IFT140: variants seen among roughly 807,000 people sequenced by gnomAD.
The protein encoded by IFT140 is intraflagellar transport protein 140 homolog.
IFT140 carries 133 observed loss-of-function variants against 164.6 expected under a neutral mutation model. The ratio of observed to expected loss-of-function variants is 0.81; its 90% CI spans 0.70 to 0.93. The LOEUF is 0.93. Ranked by LOEUF, IFT140 falls within the 40% of genes least tolerant of loss-of-function variation. IFT140 has a pLI of 0.00. For missense variants in IFT140, 2,045 were observed against 1,972.3 expected, an observed-to-expected ratio of 1.04 and a Z score of -0.70; for synonymous variants, 860 against 817.3, an observed-to-expected ratio of 1.05 and a Z score of -0.89.
intron 2 of IFT140, among the ~76,000 whole-genome samples, chr16:1,609,162 G>A (rs1355482263): frequency 2.0e-5 from 3 of 152,002 alleles, no homozygotes; most frequent in Non-Finnish European, 2.9e-5. Context: ...AAAAAAAAAA[G>A]GGGGTTTTAA....
chr16:1,558,587 C>T (rs1780001499), intron 18 of IFT140, among the ~76,000 whole-genome samples: 1 of 152,236 alleles, frequency 6.6e-6, no homozygotes, highest in Admixed American at 6.5e-5. Context: ...GGAGGCCCAT[C>T]CTCACCTGGG....
chr16:1,563,385 G>A (rs544283136), intron 17 of IFT140, among the ~76,000 whole-genome samples: 2 of 150,566 alleles, frequency 1.3e-5, no homozygotes, highest in South Asian at 4.2e-4. Flanking sequence ...CCTGGGAGGC[G>A]GAGGTTGCAG....
chr16:1,513,332 T>TGC (rs2040231040), intron 30 of IFT140: 1 of 151,746 alleles, frequency 6.6e-6, no homozygotes. Context: ...TACTAAAAAA[T>TGC]AAATAAATAA....
intron 13 of IFT140, among the ~76,000 whole-genome samples, chr16:1,579,895 C>A (rs571179585): frequency 6.7e-6 from 1 of 148,860 alleles, no homozygotes; most frequent in Non-Finnish European, 1.5e-5. Context: ...ACCTGGGAGG[C>A]GGAGATTGCA....
chr16:1,583,940 G>A (rs1404657878), intron 11 of IFT140, among the ~76,000 whole-genome samples: 1 of 152,088 alleles, frequency 6.6e-6, no homozygotes, highest in Non-Finnish European at 1.5e-5. Flanking sequence ...TTAGCATCTT[G>A]GCCAGGCTGG....
At chr16:1,529,410 T>G (rs2030194686) in intron 19 of IFT140, among the ~76,000 whole-genome samples, 1 of 152,206 alleles carries the variant, frequency 6.6e-6, no homozygotes, top group Non-Finnish European at 1.5e-5. Context: ...TCACAGCACC[T>G]GGGTGCACCC....
chr16:1,607,193 G>C lies in IFT140; in HGVS notation c.74C>G (p.Pro25Arg), dbSNP rs369407757. 3 of 1,614,046 alleles carry C rather than the reference G, an allele frequency of 1.9e-6. No individual in the cohort carries two copies. The highest frequency in any genetic ancestry group is 2.7e-5 in the African/African-American group (2 of 74,930). ...AGSPSFISWH[P>R]VHPFLAVAYI... The stretch of plus-strand genomic sequence containing the variant: ...AGCAACTGCCAAGAATGGATGGACA[G>C]GGTGCCAGCTGATAAATGAGGGTGA... The change falls in exon 3 of 31, where the codon CCT becomes CGT. Residue 25 changes from proline (P) to arginine (R), a missense_variant. Coordinates refer to ENST00000426508, the MANE Select transcript of IFT140 (RefSeq NM_014714.4).
chr16:1,522,814 TC>T (rs1277197726), intron 26 of IFT140, among the ~76,000 whole-genome samples: 3 of 152,178 alleles, frequency 2.0e-5, no homozygotes, highest in Non-Finnish European at 2.9e-5. Context: ...CTCCAGCCTT[TC>T]CACCCTTAGT....
Position 1,526,637 on chromosome 16 carries a change from G to A in IFT140, c.2559C>T (p.Ala853=). The A allele has an allele frequency of 6.4e-7, 1 of 1,571,282 alleles. No individual in the cohort carries two copies. The highest frequency in any genetic ancestry group is 1.4e-5 in the African/African-American group (1 of 74,054). The change falls in exon 20 of 31, where the codon GCC becomes GCT. Residue 853 remains alanine (A), a synonymous_variant. Transcript: ENST00000426508. ...CCCTCACCAGCATGCCCAGCTGCGT[G>A]GCCAGCACGGCCACGCGGGCCTCTA... ...PELEARVAVL[A]TQLGMLEDAE...
intron 6 of IFT140, among the ~76,000 whole-genome samples, chr16:1,591,661 C>T (rs1387474061): frequency 3.3e-5 from 5 of 152,162 alleles, no homozygotes; most frequent in Non-Finnish European, 4.4e-5. Flanking sequence ...CTGTCCCCCT[C>T]GTACAGTGAG....
At chr16:1,585,666 C>T (rs2034829596) in intron 10 of IFT140, among the ~76,000 whole-genome samples, 1 of 151,750 alleles carries the variant, frequency 6.6e-6, no homozygotes, top group Admixed American at 6.6e-5. Context: ...TTCTGAAATC[C>T]AAAAGGTCTT....
At chr16:1,585,305 C>G (rs1422841194) in intron 10 of IFT140, among the ~76,000 whole-genome samples, 2 of 152,176 alleles carry the variant, frequency 1.3e-5, no homozygotes. Context: ...TCAGTGGGAG[C>G]AGCCGGGCAC....
chr16:1,526,509 C>A (rs2040701894), intron 20 of IFT140, 110 bp downstream of exon 20: 1 of 1,170,304 alleles, frequency 8.5e-7, no homozygotes, highest in Non-Finnish European at 1.2e-6. Context: ...TCGGCTCTGC[C>A]CACATCAGTG....
intron 19 of IFT140, chr16:1,534,564 A>C: frequency 6.2e-7 from 1 of 1,600,780 alleles, no homozygotes; most frequent in Non-Finnish European, 8.5e-7. Context: ...ACGTAAGTCC[A>C]ATTGTTTTCC....
intron 30 of IFT140, 124 bp downstream of exon 30, chr16:1,518,092 C>A: frequency 1.1e-6 from 1 of 914,448 alleles, no homozygotes; most frequent in Non-Finnish European, 1.6e-6. Context: ...CCTGCCTCAG[C>A]CTCCCAAAGT....
At chr16:1,601,327 C>T (rs867277184) in intron 4 of IFT140, among the ~76,000 whole-genome samples, 7 of 151,566 alleles carry the variant, frequency 4.6e-5, no homozygotes, top group East Asian at 1.9e-4. Context: ...TGAGCCTTTA[C>T]TGGATTCCTG....
Position 1,564,057 on chromosome 16 carries a change from C to A in IFT140, c.2007G>T (p.Thr669=). The A allele has an allele frequency of 6.2e-7, 1 of 1,602,024 alleles. No individual in the cohort carries two copies. The highest frequency in any genetic ancestry group is 2.3e-5 in the East Asian group (1 of 44,348). The change falls in exon 17 of 31, where the codon ACG becomes ACT. Residue 669 remains threonine (T), a synonymous_variant. Coordinates refer to ENST00000426508, the MANE Select transcript of IFT140 (RefSeq NM_014714.4). The surrounding 1 kb of genome is among the most constrained non-coding windows in gnomAD (Gnocchi z 5.5). ...RLFVCEAVQE[T]PRSQPQSANG... ...TTGCAGACTGAGGCTGGGAGCGCGGCGTCTCCTGCACGGCTTCGCATACAA... is the reference window on the plus strand; with the variant it reads ...TTGCAGACTGAGGCTGGGAGCGCGGAGTCTCCTGCACGGCTTCGCATACAA...
intron 3 of IFT140, among the ~76,000 whole-genome samples, chr16:1,605,961 C>T (rs1037038505): frequency 1.3e-5 from 2 of 152,132 alleles, no homozygotes; most frequent in African/African-American, 2.4e-5. Flanking sequence ...GGAGAAGAGA[C>T]GCAGACATAC....
chr16:1,526,765 A>G lies in IFT140; in HGVS notation c.2431T>C (p.Cys811Arg). Reference sequence around the variant, plus strand: ...ACGTCCAGCCGCTGGGTCTTCACGCACATGCGCGCCATGTTCTCCCAGACG... The same window carrying G: ...ACGTCCAGCCGCTGGGTCTTCACGCGCATGCGCGCCATGTTCTCCCAGACG... ...EAVWENMARMCVKTQRLDVAK... is the reference protein window; with the variant it reads ...EAVWENMARMRVKTQRLDVAK... The change falls in exon 20 of 31, where the codon TGC (cysteine) becomes CGC (arginine). Residue 811 changes from cysteine to arginine, a missense_variant. By Grantham distance (180) the Cys-to-Arg change is radical (BLOSUM62 -3). Coordinates refer to ENST00000426508, the MANE Select transcript of IFT140 (RefSeq NM_014714.4). 6.2e-7 allele frequency: 1 copy of G among 1,610,672 alleles called. No individual in the cohort carries two copies. The highest frequency in any genetic ancestry group is 8.5e-7 in the Non-Finnish European group (1 of 1,179,250).
Sources: gnomAD v4.1 joint callset for allele counts (sites outside exome capture counted in the v4.1 genomes callset) on GRCh38, gnomAD v4.1.1 for gene constraint, Gnocchi (gnomAD v3.1) non-coding constraint, MANE v1.5 for transcripts, NCBI Gene and HGNC (gene_info 2026-07-23, HGNC 2026-07-21) for gene names.